The following BAIAP2L2 variants were observed in gnomAD, a reference collection of about 807,000 sequenced individuals.
BAIAP2L2 encodes BAR/IMD domain-containing adapter protein 2-like 2.
Under a neutral mutation model 60.4 loss-of-function variants are expected in BAIAP2L2, and 65 were observed. The observed-to-expected ratio is 1.08, with a 90% CI of 0.88 to 1.32. The LOEUF is 1.32. Among genes scored for constraint, BAIAP2L2 ranks in the 40% most tolerant of loss-of-function variants. The pLI is 0.00. For missense variants in BAIAP2L2, 836 were observed against 741.2 expected (o/e 1.13, Z -1.48); for synonymous variants, 344 against 301.7 (o/e 1.14, Z -1.45).
At chr22:38,088,664 C>A in intron 10 of BAIAP2L2, 84 bp downstream of exon 10, 3 of 1,392,860 alleles carry the variant, frequency 2.2e-6, no homozygotes, top group Non-Finnish European at 2.8e-6. Flanking sequence ...GCCAGGGAAA[C>A]CTCAGTCCGG....
chr22:38,088,876 G>T lies in BAIAP2L2; in HGVS notation c.990C>A (p.Arg330=), dbSNP rs372692732. Residue 330 remains arginine (R), a synonymous_variant, in exon 10 of 14, where the codon CGC becomes CGA. Transcript: ENST00000381669. ...CGCCCTCCGAGTGGGAGACCAGGGC[G>T]CGGACTCTCCTGGCGCCCCCGCCGC... The part of the protein sequence containing the change: ...PGGGGGARRV[R]ALVSHSEGAN... 65 of 1,590,824 alleles carry T rather than the reference G, an allele frequency of 4.1e-5. No homozygotes were observed. In the African/African-American group the frequency reaches 8.3e-4, roughly 20 times the overall value.
intron 4 of BAIAP2L2, among the ~76,000 whole-genome samples, chr22:38,103,942 T>C (rs1206601131): frequency 6.6e-6 from 1 of 151,504 alleles, no homozygotes; most frequent in African/African-American, 2.4e-5. Context: ...TTGCCAACCA[T>C]TGAAATAGGT....
rs1202491630 is a variant in BAIAP2L2, at chr22:38,110,120, GGAGAGAGAGAGAGA to G, written c.51+341_51+354del. On this transcript the variant is annotated intron_variant, in intron 1 of 13. Coordinates refer to ENST00000381669, the MANE Select transcript of BAIAP2L2 (RefSeq NM_025045.6). ...GAGACAGAGAGAGGGAGAGAGAGAGGGAGAGAGAGAGAGAGAGAGAGAGAGAGAGGGAGAGACAG... is the reference window on the plus strand; with the variant it reads ...GAGACAGAGAGAGGGAGAGAGAGAGGGAGAGAGAGAGAGAGGGAGAGACAG... 1.1e-4 allele frequency among the ~76,000 whole-genome samples: 2 copies of G among 18,830 alleles called. 1 individual carries two copies. The highest frequency in any genetic ancestry group is 4.3e-4 in the Non-Finnish European group (2 of 4,670). 12.4% of individuals were successfully genotyped at this position (18,830 alleles called of 152,430 possible).
chr22:38,095,461 TTCA>T (rs1254114630), intron 7 of BAIAP2L2, among the ~76,000 whole-genome samples: 7 of 152,008 alleles, frequency 4.6e-5, no homozygotes, highest in Non-Finnish European at 2.9e-5. Context: ...GCCTCCCAGG[TTCA>T]AGCAATGCTC....
chr22:38,103,245 A>G (rs2086600750), intron 4 of BAIAP2L2, among the ~76,000 whole-genome samples: 1 of 152,068 alleles, frequency 6.6e-6, no homozygotes, highest in African/African-American at 2.4e-5. Flanking sequence ...AAATAAGATG[A>G]ATTTGTCCAG....
chr22:38,097,669 G>T (rs937635362), intron 6 of BAIAP2L2, among the ~76,000 whole-genome samples: 1 of 152,184 alleles, frequency 6.6e-6, no homozygotes, highest in South Asian at 2.1e-4. Context: ...AAGGGGAATG[G>T]CCCTAGCCGG....
Position 38,085,270 on chromosome 22 carries a change from G to A in BAIAP2L2, c.*30C>T. 1 of 1,605,546 alleles carries A rather than the reference G, an allele frequency of 6.2e-7. No individual in the cohort carries two copies. Among genetic ancestry groups the A allele is most frequent in the Non-Finnish European group, 8.5e-7 (1 of 1,172,758 alleles). On this transcript the variant is annotated 3_prime_UTR_variant, in exon 14 of 14. Coordinates refer to ENST00000381669, the MANE Select transcript of BAIAP2L2 (RefSeq NM_025045.6). ...AGCTCTGAACAGCCCCTGGGCAGGT[G>A]CACTGTGGGGTACGACCTCGGACCC... is the stretch of plus-strand genomic sequence containing the variant.
Position 38,085,736 on chromosome 22 carries a change from C to A in BAIAP2L2, c.1468-4G>T. ...ACTGCTCTGAGGACATCAGTTTCTG[C>A]AGTGGGGGTGGGGAAGGGCTGGTTT... is the stretch of plus-strand genomic sequence containing the variant. On this transcript the variant is annotated splice_region_variant and splice_polypyrimidine_tract_variant and intron_variant, in intron 12 of 13. Transcript: ENST00000381669. 6.3e-7 allele frequency: 1 copy of A among 1,594,032 alleles called. No individual in the cohort carries two copies.
chr22:38,098,282 C>T (rs1371795776), intron 5 of BAIAP2L2, 103 bp from the exon 6 acceptor site: 2 of 1,464,912 alleles, frequency 1.4e-6, no homozygotes, highest in Non-Finnish European at 1.9e-6. Flanking sequence ...ACTTGGGGCT[C>T]AGCTGGGAAC....
intron 6 of BAIAP2L2, 85 bp downstream of exon 6, chr22:38,097,978 C>A: frequency 1.6e-6 from 2 of 1,266,886 alleles, no homozygotes. Flanking sequence ...CTCAGGGAGG[C>A]GTTCGGGGTT....
At chr22:38,109,045 TG>T in intron 2 of BAIAP2L2, 87 bp downstream of exon 2, 1 of 870,128 alleles carries the variant, frequency 1.1e-6, no homozygotes, top group Non-Finnish European at 1.6e-6. Context: ...TGAACAGGTG[TG>T]GGATGCAGAG....
rs760552564 is a variant in BAIAP2L2 at position 38,088,903 on chromosome 22, G to A, written c.963C>T (p.Gly321=). Residue 321 remains glycine, a synonymous_variant, in exon 10 of 14, where the codon GGC becomes GGT. Coordinates refer to ENST00000381669, the MANE Select transcript of BAIAP2L2 (RefSeq NM_025045.6). ...GGACTCTCCTGGCGCCCCCGCCGCC[G>A]CCCGGGCGCTCGCCAAAGGAGTTGG... ...SRSNSFGERP[G]GGGGARRVRA... is the part of the protein sequence containing the mutation. The A allele has an allele frequency of 9.6e-6, 15 of 1,565,102 alleles. No homozygotes were observed. The South Asian group carries it at 1.5e-4, about 16-fold the overall frequency.
Position 38,087,160 on chromosome 22 carries a change from A to G in BAIAP2L2, c.1223T>C (p.Met408Thr). The part of the protein sequence containing the change: ...PMTSMTSMSP[M>T]TPMNPGNELP... ...CTCGTTCCCGGGGTTCATGGGTGTC[A>G]TGGGGGACATGGAGGTCATGGAGGT... Residue 408 changes from methionine to threonine, a missense_variant, in exon 11 of 14, where the codon ATG becomes ACG. Physicochemically the swap from Met to Thr is moderately conservative, Grantham distance 81 (BLOSUM62 -1). Transcript: ENST00000381669. The G allele has an allele frequency of 2.5e-6, 4 of 1,601,896 alleles. No individual in the cohort carries two copies. Among genetic ancestry groups the G allele is most frequent in the Non-Finnish European group, 3.4e-6 (4 of 1,175,360 alleles).
chr22:38,105,686 C>A (rs1258846132), intron 4 of BAIAP2L2, among the ~76,000 whole-genome samples: 1 of 152,046 alleles, frequency 6.6e-6, no homozygotes, highest in Non-Finnish European at 1.5e-5. Context: ...AAAAACTGCA[C>A]CCCCCAAAGA....
chr22:38,095,311 C>A (rs142514454), intron 7 of BAIAP2L2, among the ~76,000 whole-genome samples: 2 of 152,098 alleles, frequency 1.3e-5, no homozygotes, highest in African/African-American at 4.8e-5. Flanking sequence ...TAAAAGCTTT[C>A]CAAAGGCCCC....
At chr22:38,100,553 TAAATAAA>T (rs1329479198) in intron 4 of BAIAP2L2, among the ~76,000 whole-genome samples, 1 of 150,272 alleles carries the variant, frequency 6.7e-6, no homozygotes, top group Non-Finnish European at 1.5e-5. Flanking sequence ...AATAAATAAA[TAAATAAA>T]TAAATAAATA....
chr22:38,089,575 C>T lies in BAIAP2L2; in HGVS notation c.712G>A (p.Ala238Thr). Residue 238 changes from alanine (A) to threonine (T), a missense_variant, in exon 8 of 14, where the codon GCG becomes ACG. Physicochemically the swap from Ala to Thr is moderately conservative, Grantham distance 58. Transcript: ENST00000381669. The part of the protein sequence containing the change: ...RAHSPGLLGP[A>T]LGPPYPSGRL... ...CCCGAGGGGTAGGGCGGCCCCAGCG[C>T]GGGGCCCAGCAGGCCGGGGGAGTGG... 8.1e-7 allele frequency: 1 copy of T among 1,231,548 alleles called. No homozygotes were observed. The highest frequency in any genetic ancestry group is 1.0e-6 in the Non-Finnish European group (1 of 989,222). The allele number at this position is 1,231,548 out of a possible 1,614,324, so 76.3% of individuals were successfully genotyped here.
intron 7 of BAIAP2L2, 116 bp downstream of exon 7, chr22:38,096,916 C>T: frequency 8.1e-7 from 1 of 1,236,402 alleles, no homozygotes; most frequent in Non-Finnish European, 1.1e-6. Flanking sequence ...TGAATTTCTA[C>T]AGACAGGCAG....
intron 7 of BAIAP2L2, among the ~76,000 whole-genome samples, chr22:38,096,337 G>C (rs1472056688): frequency 6.6e-6 from 1 of 152,156 alleles, no homozygotes; most frequent in Non-Finnish European, 1.5e-5. Flanking sequence ...ACAGAACAAT[G>C]CAAGAGCATA....
Sources: gnomAD v4.1 joint callset for allele counts (sites outside exome capture counted in the v4.1 genomes callset) on GRCh38, gnomAD v4.1.1 for gene constraint, MANE v1.5 for transcripts, NCBI Gene and HGNC (gene_info 2026-07-23, HGNC 2026-07-21) for gene names.